Variants in NFX1 observed in about 807,000 individuals in gnomAD.
The protein encoded by NFX1 is nuclear transcription factor, X-box binding 1.
Under a neutral mutation model 137.2 loss-of-function variants are expected in NFX1, and 69 were observed. The observed-to-expected ratio is 0.50, with a 90% CI of 0.41 to 0.61. The LOEUF is 0.61. NFX1 is among the 20% of genes least tolerant of loss of function. NFX1 has a pLI of 0.00. For synonymous variants in NFX1, 495 were observed against 474.1 expected (o/e 1.04, Z -0.57); for missense variants, 1,167 against 1,391.0 (o/e 0.84, Z 2.56).
chr9:33,359,730 TCAA>T (rs1276028283), intron 19 of NFX1, among the ~76,000 whole-genome samples: 1 of 152,246 alleles, frequency 6.6e-6, no homozygotes, highest in Non-Finnish European at 1.5e-5. Flanking sequence ...AGGCATTTAT[TCAA>T]CAACTGACAA....
At chr9:33,353,978 C>CCACA in intron 17 of NFX1, 108 bp from the exon 18 acceptor site, 5 of 1,021,446 alleles carry the variant, frequency 4.9e-6, no homozygotes, top group Non-Finnish European at 7.0e-6. Context: ...GCGTGAGCCA[C>CCACA]CACACCTGGC....
intron 15 of NFX1, among the ~76,000 whole-genome samples, chr9:33,349,371 A>G (rs1036444365): frequency 2.6e-5 from 4 of 152,182 alleles, no homozygotes; most frequent in Non-Finnish European, 5.9e-5. Flanking sequence ...AGTGAGAAGA[A>G]AGTAATGTGG....
In NFX1 at chr9:33,351,255, C is replaced by T. The variant is rs540881093; in HGVS notation, c.2425-305C>T. Among the ~76,000 whole-genome samples the T allele has an allele frequency of 5.3e-5, 8 of 151,988 alleles. No homozygotes were observed. The East Asian group carries it at 7.8e-4, about 15-fold the overall frequency. On this transcript the variant is annotated intron_variant, in intron 15 of 23. Coordinates refer to ENST00000379540, the MANE Select transcript of NFX1 (RefSeq NM_002504.6). ...GGTGGATCGCTTCCACTCAAGAGTT[C>T]GAGACCAGCCTGGGCAACATGGTGA...
chr9:33,323,816 A>G (rs1217079065), intron 9 of NFX1, among the ~76,000 whole-genome samples: 1 of 152,158 alleles, frequency 6.6e-6, no homozygotes, highest in Admixed American at 6.5e-5. Context: ...AAGGGAAACC[A>G]TACTTAAAGA....
intron 13 of NFX1, 117 bp from the exon 14 acceptor site, chr9:33,343,952 C>T: frequency 1.5e-6 from 2 of 1,329,730 alleles, no homozygotes; most frequent in East Asian, 2.4e-5. Flanking sequence ...AAGTAGCACC[C>T]CCATAAATTC....
At chr9:33,300,248 A>G (rs1460632569) in intron 2 of NFX1, among the ~76,000 whole-genome samples, 1 of 151,718 alleles carries the variant, frequency 6.6e-6, no homozygotes, top group Non-Finnish European at 1.5e-5. Flanking sequence ...TATTCTTAGT[A>G]GAGATGGGGT....
At position 33,346,956 on chromosome 9, in the gene NFX1, C is replaced by T. The variant is rs111584716; in HGVS notation, c.2345-82C>T. The T allele has an allele frequency of 4.7e-5, 48 of 1,027,510 alleles. 1 individual carries two copies. The highest frequency in any genetic ancestry group is 8.1e-5 in the African/African-American group (5 of 61,782). The allele number at this position is 1,027,510 out of a possible 1,614,324, so 63.6% of individuals were successfully genotyped here. A position where few individuals can be genotyped will look rare whatever the true frequency, so the allele number is the denominator to read the frequency against. On this transcript the variant is annotated intron_variant, in intron 14 of 23. Transcript: ENST00000379540. ...GTTTCTGAATTTAAAAGTTTCATGC[C>T]GTATGCCACTTATATGATGTATAAT...
intron 9 of NFX1, among the ~76,000 whole-genome samples, 179 bp downstream of exon 9, chr9:33,319,306 A>G (rs986372381): frequency 3.9e-5 from 6 of 152,304 alleles, no homozygotes; most frequent in Admixed American, 3.9e-4. Context: ...GAAAACCCAT[A>G]CATTTGCCCA....
chr9:33,367,611 G>C lies in NFX1; in HGVS notation c.3282G>C (p.Gln1094His). 1.9e-6 allele frequency: 3 copies of C among 1,613,668 alleles called. No individual in the cohort carries two copies. The highest frequency in any genetic ancestry group is 2.5e-6 in the Non-Finnish European group (3 of 1,179,692). Reference sequence around the variant, plus strand: ...CACCGATTCCTCATCACAGACATCAGTCAGACAAGTAAGATTCTCCAGCTG... The same window carrying C: ...CACCGATTCCTCATCACAGACATCACTCAGACAAGTAAGATTCTCCAGCTG... Reference protein sequence around the residue: ...PPPPIPHHRHQSDKNPGSSNL... With the variant: ...PPPPIPHHRHHSDKNPGSSNL... The change falls in exon 23 of 24, where the codon CAG becomes CAC. Residue 1094 changes from glutamine (Q) to histidine (H), a missense_variant. Gln to His is a conservative substitution (Grantham distance 24, BLOSUM62 0). Coordinates refer to ENST00000379540, the MANE Select transcript of NFX1 (RefSeq NM_002504.6).
intron 18 of NFX1, 46 bp from the exon 19 acceptor site, chr9:33,354,805 T>TA (rs1361834906): frequency 1.9e-5 from 30 of 1,568,616 alleles, no homozygotes; most frequent in Non-Finnish European, 2.5e-5. Flanking sequence ...ATGGGAGCTG[T>TA]ACAGTCTGTA....
rs76689382 is a variant in NFX1 at position 33,345,889 on chromosome 9, A to G, written c.2345-1149A>G. Among the ~76,000 whole-genome samples, 1,284 of 152,280 alleles carry G rather than the reference A, an allele frequency of 8.4e-3. 24 individuals carry two copies. Among genetic ancestry groups the G allele is most frequent in the African/African-American group, 0.029 (1,207 of 41,548 alleles). ...CTCAATTTCCGTATCTGTCAAGTCTAGTTGCTGGCTTTTCTCTAGCACCAT... is the reference window on the plus strand; with the variant it reads ...CTCAATTTCCGTATCTGTCAAGTCTGGTTGCTGGCTTTTCTCTAGCACCAT... On this transcript the variant is annotated intron_variant, in intron 14 of 23. Transcript: ENST00000379540.
intron 1 of NFX1, among the ~76,000 whole-genome samples, chr9:33,293,132 G>A (rs889909302): frequency 2.6e-4 from 40 of 152,150 alleles, no homozygotes; most frequent in Admixed American, 2.4e-3. Flanking sequence ...GTGTAAGAGC[G>A]CAGTCTCTAA....
chr9:33,345,692 G>A (rs1460716174), intron 14 of NFX1, among the ~76,000 whole-genome samples: 4 of 151,780 alleles, frequency 2.6e-5, no homozygotes, highest in Non-Finnish European at 5.9e-5. Flanking sequence ...TTTTTGATCT[G>A]TCCCCTTGTA....
At chr9:33,303,992 C>T (rs1362502933) in intron 4 of NFX1, among the ~76,000 whole-genome samples, 2 of 152,194 alleles carry the variant, frequency 1.3e-5, no homozygotes, top group East Asian at 1.9e-4. Context: ...ATGGGCCGGG[C>T]TTAGTGGCTC....
intron 15 of NFX1, chr9:33,347,607 T>C: frequency 3.2e-6 from 1 of 312,664 alleles, no homozygotes; most frequent in South Asian, 2.6e-5. Context: ...ACAACCACTG[T>C]GGAAAACTGT....
At chr9:33,340,580 G>A (rs1823184644) in intron 12 of NFX1, among the ~76,000 whole-genome samples, 1 of 152,214 alleles carries the variant, frequency 6.6e-6, no homozygotes. Context: ...AATTTCTGCA[G>A]CCAGCTTGAT....
At chr9:33,338,732 C>T in intron 12 of NFX1, 143 bp downstream of exon 12, 2 of 670,732 alleles carry the variant, frequency 3.0e-6, no homozygotes, top group Non-Finnish European at 5.0e-6. Flanking sequence ...CTCTCATAGT[C>T]CCCATAACCT....
At chr9:33,338,621 C>T (rs1823102698) in intron 12 of NFX1, 32 bp downstream of exon 12, 1 of 1,542,716 alleles carries the variant, frequency 6.5e-7, no homozygotes, top group South Asian at 1.2e-5. Context: ...AATCAGATTC[C>T]ATTCATCCAG....
At chr9:33,347,952 C>T (rs1587865900) in intron 15 of NFX1, 2 of 157,682 alleles carry the variant, frequency 1.3e-5, no homozygotes, top group African/African-American at 2.4e-5. Flanking sequence ...CGTATGTTCT[C>T]AATTATAAGA....
Sources: allele counts gnomAD v4.1 joint callset (sites outside exome capture counted in the v4.1 genomes callset), GRCh38; gene constraint gnomAD v4.1.1; transcripts MANE v1.5; gene names NCBI Gene and HGNC (gene_info 2026-07-23, HGNC 2026-07-21).